The following USP15 variants were observed in gnomAD, a reference collection of about 807,000 sequenced individuals.
USP15 encodes the protein ubiquitin carboxyl-terminal hydrolase 15.
USP15 carries 18 observed loss-of-function variants against 127.1 expected under a neutral mutation model. The observed-to-expected ratio is 0.14, with a 90% CI of 0.10 to 0.21. USP15 has a LOEUF of 0.21. Among genes scored for constraint, USP15 ranks in the 10% least tolerant of loss-of-function variants. The pLI is 1.00. For synonymous variants in USP15, 364 were observed against 393.7 expected (o/e 0.92, Z 0.89); for missense variants, 805 against 1,159.9 (o/e 0.69, Z 4.44).
At chr12:62,345,140 C>A (rs1223520221) in intron 6 of USP15, among the ~76,000 whole-genome samples, 1 of 152,156 alleles carries the variant, frequency 6.6e-6, no homozygotes, top group Non-Finnish European at 1.5e-5. Flanking sequence ...TGCAAATTCT[C>A]CAACCTTTTA....
Position 62,391,255 on chromosome 12 carries a change from GATA to G in USP15, c.2062_2064del (p.Asn688del). 3 of 1,613,638 alleles carry G rather than the reference GATA, an allele frequency of 1.9e-6. No homozygotes were observed. The highest frequency in any genetic ancestry group is 2.5e-6 in the Non-Finnish European group (3 of 1,179,722). On this transcript the variant is annotated inframe_deletion, in exon 16 of 22. Coordinates refer to ENST00000280377, the MANE Select transcript of USP15 (RefSeq NM_001252078.2). Reference sequence around the variant, plus strand: ...TCAGTCTGAAGATTCAGTTGGAGGAGATAATGATTCTGAAAATGGATTATGTAC... The same window carrying G: ...TCAGTCTGAAGATTCAGTTGGAGGAGATGATTCTGAAAATGGATTATGTAC...
At chr12:62,266,833 C>G (rs1236778930) in intron 1 of USP15, among the ~76,000 whole-genome samples, 1 of 152,018 alleles carries the variant, frequency 6.6e-6, no homozygotes, top group African/African-American at 2.4e-5. Context: ...CTTAGTCTGT[C>G]GCAGCCACTA....
At chr12:62,327,727 C>G (rs1035011774) in intron 6 of USP15, 1 of 427,702 alleles carries the variant, frequency 2.3e-6, no homozygotes, top group Admixed American at 2.8e-5. Flanking sequence ...AAACAGAATT[C>G]CCTATGTAAT....
In USP15 at chr12:62,404,177, TC is replaced by T. The variant is rs1465233616; in HGVS notation, c.2764-14del. Reference sequence around the variant, plus strand: ...TTTGAGAATCATAACTGTTTTAACATCCTTTGTTTTGACAGTCCAAAGCAGC... The same window carrying T: ...TTTGAGAATCATAACTGTTTTAACATCTTTGTTTTGACAGTCCAAAGCAGC... On this transcript the variant is annotated splice_polypyrimidine_tract_variant and intron_variant, in intron 21 of 21. Coordinates refer to ENST00000280377, the MANE Select transcript of USP15 (RefSeq NM_001252078.2). The T allele has an allele frequency of 5.7e-6, 9 of 1,582,316 alleles. No homozygotes were observed. The highest frequency in any genetic ancestry group is 1.4e-5 in the African/African-American group (1 of 73,306).
chr12:62,344,563 A>G (rs1251258328), intron 6 of USP15, among the ~76,000 whole-genome samples: 1 of 152,218 alleles, frequency 6.6e-6, no homozygotes, highest in Non-Finnish European at 1.5e-5. Context: ...TCTGGAGGAC[A>G]GCGGCCCTCT....
chr12:62,390,543 A>T (rs1046579321), intron 14 of USP15, among the ~76,000 whole-genome samples: 1 of 152,120 alleles, frequency 6.6e-6, no homozygotes, highest in Non-Finnish European at 1.5e-5. Flanking sequence ...CATAACCCAT[A>T]TATAAAGATC....
chr12:62,392,293 G>A lies in USP15; in HGVS notation c.2326G>A (p.Val776Met), dbSNP rs1292858515. 6.9e-6 allele frequency: 11 copies of A among 1,598,762 alleles called. No individual in the cohort carries two copies. Among genetic ancestry groups the A allele is most frequent in the Admixed American group, 1.8e-5 (1 of 56,036 alleles). The change falls in exon 18 of 22, where the codon GTG becomes ATG. Residue 776 changes from valine (V) to methionine (M), a missense_variant. Physicochemically the swap from Val to Met is conservative, Grantham distance 21. Around this residue, in one of 11 missense-constraint regions of USP15, gnomAD observed 225 missense variants for 239.5 expected, o/e 0.94. Transcript: ENST00000280377. ...AAEDFEKHES[V>M]EYKPPKKPFV... The stretch of plus-strand genomic sequence containing the variant: ...TTAGGACTTTGAAAAACATGAAAGT[G>A]TGGAGTATAAACCTCCTAAAAAACC...
chr12:62,316,283 CAAAA>C (rs146374195), intron 4 of USP15, among the ~76,000 whole-genome samples: 2 of 85,138 alleles, frequency 2.3e-5, no homozygotes, highest in East Asian at 4.4e-4. Context: ...GACTTTATCT[CAAAA>C]AAAAAAAAAA....
chr12:62,301,434 C>G (rs2064317225), intron 2 of USP15, among the ~76,000 whole-genome samples: 1 of 152,098 alleles, frequency 6.6e-6, no homozygotes, highest in African/African-American at 2.4e-5. Context: ...GTGAACAACT[C>G]AAATGCCCAT....
intron 5 of USP15, among the ~76,000 whole-genome samples, chr12:62,324,682 C>T (rs1469750059): frequency 6.6e-6 from 1 of 151,878 alleles, no homozygotes; most frequent in Non-Finnish European, 1.5e-5. Context: ...GGTACAAATA[C>T]ACTTTTTAAT....
At chr12:62,268,665 C>G (rs955322233) in intron 1 of USP15, among the ~76,000 whole-genome samples, 1 of 152,132 alleles carries the variant, frequency 6.6e-6, no homozygotes, top group African/African-American at 2.4e-5. Context: ...CAAAGTCAGT[C>G]TCTAAAACCA....
intron 2 of USP15, among the ~76,000 whole-genome samples, chr12:62,296,414 T>G (rs1050784394): frequency 1.3e-5 from 2 of 152,136 alleles, no homozygotes; most frequent in African/African-American, 4.8e-5. Flanking sequence ...GCTAACACTG[T>G]TTTTTAAAAA....
At chr12:62,342,075 T>C (rs1303309679) in intron 6 of USP15, among the ~76,000 whole-genome samples, 1 of 152,166 alleles carries the variant, frequency 6.6e-6, no homozygotes, top group Non-Finnish European at 1.5e-5. Context: ...TCTTTTCACA[T>C]AGTCCCATAT....
At chr12:62,273,263 G>A (rs2063389002) in intron 1 of USP15, among the ~76,000 whole-genome samples, 7 of 151,828 alleles carry the variant, frequency 4.6e-5, no homozygotes, top group Admixed American at 4.6e-4. Context: ...ATTCTATATA[G>A]GGCCCTCATT....
At chr12:62,282,813 A>T (rs1180127035) in intron 1 of USP15, among the ~76,000 whole-genome samples, 1 of 152,208 alleles carries the variant, frequency 6.6e-6, no homozygotes, top group Non-Finnish European at 1.5e-5. Context: ...AAAGGAGGCT[A>T]CTGTATAACT....
intron 1 of USP15, 119 bp from the exon 2 acceptor site, chr12:62,294,060 A>C: frequency 4.6e-6 from 5 of 1,084,996 alleles, no homozygotes; most frequent in Non-Finnish European, 6.4e-6. Flanking sequence ...ACAGTTTTCA[A>C]ATATCCTTTG....
At position 62,384,128 on chromosome 12, in the gene USP15, C is replaced by T; in HGVS notation, c.1299C>T (p.Ile433=). 6.2e-7 allele frequency: 1 copy of T among 1,612,874 alleles called. No individual in the cohort carries two copies. Among genetic ancestry groups the T allele is most frequent in the Non-Finnish European group, 8.5e-7 (1 of 1,179,252 alleles). The change falls in exon 11 of 22, where the codon ATC becomes ATT. Residue 433 remains isoleucine (I), a synonymous_variant. Transcript: ENST00000280377. ...WENHLKRNDS[I]IVDIFHGLFK... is the part of the protein sequence containing the mutation. ...ACCATTTAAAACGAAATGATTCTAT[C>T]ATAGTAGATATATTTCATGGCCTTT...
chr12:62,325,327 C>A (rs1254271616), intron 5 of USP15, among the ~76,000 whole-genome samples: 1 of 151,946 alleles, frequency 6.6e-6, no homozygotes, highest in Non-Finnish European at 1.5e-5. Flanking sequence ...TTTAAAGATT[C>A]TATAATTTCC....
intron 8 of USP15, among the ~76,000 whole-genome samples, chr12:62,380,766 TA>T (rs1272287190): frequency 2.6e-5 from 4 of 152,086 alleles, no homozygotes; most frequent in Non-Finnish European, 5.9e-5. Context: ...CAACTTGAGA[TA>T]AAATGTTGAA....
Sources: allele counts gnomAD v4.1 joint callset (sites outside exome capture counted in the v4.1 genomes callset), GRCh38; gene constraint gnomAD v4.1.1; regional missense constraint gnomAD v4.1.1; transcripts MANE v1.5; gene names NCBI Gene and HGNC (gene_info 2026-07-23, HGNC 2026-07-21).